PHACTR1: variants seen among roughly 807,000 people sequenced by gnomAD.
The protein encoded by PHACTR1 is RPEL repeat containing 1.
In PHACTR1, 16 loss-of-function variants were observed where a neutral mutation model predicts 69.2. The observed-to-expected ratio is 0.23, with a 90% CI of 0.16 to 0.35. The LOEUF is 0.35. PHACTR1 is among the 10% of genes least tolerant of loss of function. The pLI, the probability that PHACTR1 is intolerant of heterozygous loss-of-function variation, is 1.00. For missense variants in PHACTR1, 510 were observed against 734.7 expected (o/e 0.69, Z 3.54); for synonymous variants, 312 against 284.5 (o/e 1.10, Z -0.97).
chr6:12,778,498 A>G (rs977733907), intron 4 of PHACTR1, among the ~76,000 whole-genome samples: 2 of 152,212 alleles, frequency 1.3e-5, no homozygotes, highest in Non-Finnish European at 2.9e-5. Context: ...GTGCAAATAA[A>G]TCATTTATTT....
At chr6:13,265,553 G>A (rs1003920704) in intron 10 of PHACTR1, among the ~76,000 whole-genome samples, 9 of 152,292 alleles carry the variant, frequency 5.9e-5, no homozygotes, top group African/African-American at 2.2e-4. Flanking sequence ...TGATTGGTTA[G>A]TTAATGAGAG....
intron 3 of PHACTR1, among the ~76,000 whole-genome samples, chr6:12,728,321 A>G (rs1289965568): frequency 6.6e-6 from 1 of 152,174 alleles, no homozygotes; most frequent in Non-Finnish European, 1.5e-5. Context: ...TGTCTTTAAA[A>G]AAATCAAGAA....
chr6:12,921,635 G>A (rs1372875431), intron 4 of PHACTR1, among the ~76,000 whole-genome samples: 4 of 114,444 alleles, frequency 3.5e-5, no homozygotes, highest in Non-Finnish European at 5.5e-5. Flanking sequence ...GAAGGAGAGG[G>A]AGGGAGGGAG....
chr6:12,724,325 T>C (rs1762516127), intron 3 of PHACTR1, among the ~76,000 whole-genome samples: 1 of 152,010 alleles, frequency 6.6e-6, no homozygotes, highest in Non-Finnish European at 1.5e-5. Flanking sequence ...AGACTCCATC[T>C]CAAAAAATAA....
At chr6:13,088,913 A>G (rs1350607078) in intron 5 of PHACTR1, among the ~76,000 whole-genome samples, 1 of 152,210 alleles carries the variant, frequency 6.6e-6, no homozygotes, top group Non-Finnish European at 1.5e-5. Flanking sequence ...AGCCTAATAG[A>G]CAGTCTTGCA....
intron 4 of PHACTR1, among the ~76,000 whole-genome samples, chr6:12,793,571 T>TGCTGTAA (rs1286177167): frequency 6.6e-6 from 1 of 152,234 alleles, no homozygotes; most frequent in Non-Finnish European, 1.5e-5. Context: ...AGATACCTAG[T>TGCTGTAA]GCTGTAAGCT....
intron 10 of PHACTR1, among the ~76,000 whole-genome samples, chr6:13,235,416 C>A (rs1771835508): frequency 6.6e-6 from 1 of 152,154 alleles, no homozygotes; most frequent in African/African-American, 2.4e-5. Flanking sequence ...ACATACTACT[C>A]CAAAAAATCA....
At chr6:13,280,815 A>G in intron 12 of PHACTR1, 1 of 510,552 alleles carries the variant, frequency 2.0e-6, no homozygotes. Context: ...TGCAAAGATT[A>G]TTTTTGCAGC....
intron 10 of PHACTR1, among the ~76,000 whole-genome samples, chr6:13,235,280 G>C (rs1384874921): frequency 1.3e-5 from 2 of 152,160 alleles, no homozygotes; most frequent in Non-Finnish European, 2.9e-5. Context: ...TGAACTAGGA[G>C]GTGCCCTGAC....
intron 5 of PHACTR1, among the ~76,000 whole-genome samples, chr6:13,146,767 T>A (rs767953538): frequency 2.0e-5 from 3 of 152,192 alleles, no homozygotes; most frequent in Non-Finnish European, 1.5e-5. Context: ...TGAAATACAG[T>A]ACACCATTAT....
chr6:13,117,446 AG>A (rs1273967065), intron 5 of PHACTR1, among the ~76,000 whole-genome samples: 1 of 152,222 alleles, frequency 6.6e-6, no homozygotes, highest in Non-Finnish European at 1.5e-5. Context: ...ACTATTAATA[AG>A]GGGCATGAAA....
rs566137865 is a variant in PHACTR1 at position 13,026,243 on chromosome 6, G to A, written c.251-27122G>A. Among the ~76,000 whole-genome samples, 802 of 152,312 alleles carry A rather than the reference G, an allele frequency of 5.3e-3. 7 individuals are homozygous for A. Among genetic ancestry groups the A allele is most frequent in the African/African-American group, 0.018 (761 of 41,552 alleles). The stretch of plus-strand genomic sequence containing the variant: ...GTGCAATTCCTGGCAGTGTTTACCA[G>A]AGAGAAGGAATTAGCAGCCTCTGGA... On this transcript the variant is annotated intron_variant, in intron 4 of 14. Coordinates refer to ENST00000332995, the MANE Select transcript of PHACTR1 (RefSeq NM_030948.6).
In PHACTR1 at chr6:12,830,268, G is replaced by A. The variant is rs74845454; in HGVS notation, c.250+80478G>A. Among the ~76,000 whole-genome samples, 1,179 of 151,462 alleles carry A rather than the reference G, an allele frequency of 7.8e-3. 20 individuals carry two copies. Among genetic ancestry groups the A allele is most frequent in the African/African-American group, 0.026 (1,074 of 41,240 alleles). Reference sequence around the variant, plus strand: ...GTCAAGTTTGATACGCAGTGGACCTGAGTTCCCAGACTCTTACTCTACTCC... The same window carrying A: ...GTCAAGTTTGATACGCAGTGGACCTAAGTTCCCAGACTCTTACTCTACTCC... On this transcript the variant is annotated intron_variant, in intron 4 of 14. Coordinates refer to ENST00000332995, the MANE Select transcript of PHACTR1 (RefSeq NM_030948.6).
At chr6:13,106,928 C>T (rs994098416) in intron 5 of PHACTR1, among the ~76,000 whole-genome samples, 2 of 152,058 alleles carry the variant, frequency 1.3e-5, no homozygotes, top group African/African-American at 4.8e-5. Context: ...ATTATACTTT[C>T]TTTATATATT....
chr6:13,228,090 G>T, intron 9 of PHACTR1, 27 bp downstream of exon 9: 2 of 1,594,852 alleles, frequency 1.3e-6, no homozygotes, highest in Non-Finnish European at 8.5e-7. Flanking sequence ...TCATCACCAG[G>T]GGTGGGGAAG....
intron 4 of PHACTR1, among the ~76,000 whole-genome samples, chr6:13,018,494 A>C (rs900173990): frequency 6.6e-5 from 10 of 152,126 alleles, no homozygotes; most frequent in African/African-American, 2.2e-4. Context: ...TGCTTGAGAA[A>C]TATTAGCTGC....
At chr6:12,825,113 C>CCACACA (rs879563582) in intron 4 of PHACTR1, among the ~76,000 whole-genome samples, 1 of 150,654 alleles carries the variant, frequency 6.6e-6, no homozygotes, top group South Asian at 2.1e-4. Context: ...ACTCCCATCT[C>CCACACA]CACACACACA....
chr6:13,145,846 C>T lies in PHACTR1; in HGVS notation c.416-14358C>T, dbSNP rs551836123. Reference sequence around the variant, plus strand: ...GAAAACAAATTCCTGTTGTTTAAGCCGGTCTATAGTGTTTTGTCATGGCAG... The same window carrying T: ...GAAAACAAATTCCTGTTGTTTAAGCTGGTCTATAGTGTTTTGTCATGGCAG... On this transcript the variant is annotated intron_variant, in intron 5 of 14. Coordinates refer to ENST00000332995, the MANE Select transcript of PHACTR1 (RefSeq NM_030948.6). 4.7e-4 allele frequency among the ~76,000 whole-genome samples: 72 copies of T among 152,254 alleles called. 3 individuals carry two copies. Among genetic ancestry groups the T allele is most frequent in the East Asian group, 1.7e-3 (9 of 5,178 alleles).
At chr6:13,200,649 C>T (rs538682209) in intron 7 of PHACTR1, among the ~76,000 whole-genome samples, 5 of 152,120 alleles carry the variant, frequency 3.3e-5, no homozygotes, top group African/African-American at 1.2e-4. Flanking sequence ...TTTACAAATG[C>T]AATGCTGGGC....
Sources: gnomAD v4.1 joint callset for allele counts (sites outside exome capture counted in the v4.1 genomes callset) on GRCh38, gnomAD v4.1.1 for gene constraint, MANE v1.5 for transcripts, NCBI Gene and HGNC (gene_info 2026-07-23, HGNC 2026-07-21) for gene names.